ECHDC2: variants seen among roughly 807,000 people sequenced by gnomAD.
ECHDC2 encodes enoyl-CoA hydratase domain containing 2, also known as enoyl-CoA hydratase domain-containing protein 2, mitochondrial.
A neutral mutation model predicts 40.6 loss-of-function variants in ECHDC2; 34 were observed. The observed-to-expected ratio is 0.84, with a 90% CI of 0.64 to 1.11. The LOEUF (loss-of-function observed/expected upper bound fraction) is 1.11. Ranked by LOEUF, ECHDC2 falls within the 50% of genes most tolerant of loss-of-function variation. ECHDC2 has a pLI of 0.00. For synonymous variants in ECHDC2, 162 were observed against 166.6 expected (o/e 0.97, Z 0.21); for missense variants, 392 against 400.7 (o/e 0.98, Z 0.19).
chr1:52,899,799 T>G, intron 7 of ECHDC2: 1 of 157,596 alleles, frequency 6.3e-6, no homozygotes, highest in Non-Finnish European at 1.4e-5. Flanking sequence ...GAAATCCTGG[T>G]CTGTGGGGCA....
chr1:52,921,366 TAG>T, intron 1 of ECHDC2, 185 bp downstream of exon 1: 1 of 1,348,256 alleles, frequency 7.4e-7, no homozygotes, highest in South Asian at 1.7e-5. Flanking sequence ...CGCCCCCAGC[TAG>T]AGTCTGGAGC....
chr1:52,908,956 G>GAAAAAAAAAAAAAA (rs1190885771), intron 3 of ECHDC2, among the ~76,000 whole-genome samples: 3 of 141,818 alleles, frequency 2.1e-5, no homozygotes. Context: ...AAAAAAAAAG[G>GAAAAAAAAAAAAAA]AAAAAGGACT....
chr1:52,921,326 T>C, intron 1 of ECHDC2: 1 of 1,060,268 alleles, frequency 9.4e-7, no homozygotes, highest in African/African-American at 1.7e-5. Context: ...CAAAGGGCCT[T>C]TGAAGAGACC....
rs1650350608 is a variant in ECHDC2 at position 52,914,958 on chromosome 1, CCGA to C, written c.122-3171_122-3169del. On this transcript the variant is annotated intron_variant, in intron 1 of 9. Coordinates refer to ENST00000371522, the MANE Select transcript of ECHDC2 (RefSeq NM_001198961.2). This position sits in a 1 kb window ranked among gnomAD's most constrained non-coding sequence, Gnocchi z 4.0. Reference sequence around the variant, plus strand: ...TCACAGTCATCTTTCTTACCCCAATCCGACCACGTCCCTCCCCTTCCCCCTTCT... The same window carrying C: ...TCACAGTCATCTTTCTTACCCCAATCCCACGTCCCTCCCCTTCCCCCTTCT... Among the ~76,000 whole-genome samples, 1 of 152,124 alleles carries C rather than the reference CCGA, an allele frequency of 6.6e-6. No individual in the cohort carries two copies. Among genetic ancestry groups the C allele is most frequent in the African/African-American group, 2.4e-5 (1 of 41,408 alleles).
At chr1:52,912,625 C>T (rs1379195922) in intron 1 of ECHDC2, 7 of 152,212 alleles carry the variant, frequency 4.6e-5, no homozygotes, top group African/African-American at 1.4e-4. Context: ...TCAGAAACCC[C>T]ACCACATGCC....
At chr1:52,906,027 A>G (rs1647707369) in intron 5 of ECHDC2, 1 of 287,178 alleles carries the variant, frequency 3.5e-6, no homozygotes, top group South Asian at 3.4e-5. Context: ...TGAGAAAATG[A>G]TCAGTTATCT....
At chr1:52,910,352 GTTTTTTTTT>G (rs869088329) in intron 3 of ECHDC2, among the ~76,000 whole-genome samples, 6 of 32,062 alleles carry the variant, frequency 1.9e-4, no homozygotes, top group Admixed American at 6.2e-4. Flanking sequence ...CCACAATTTC[GTTTTTTTTT>G]TTTTTTTTTT....
chr1:52,909,425 GCCAGGGGTT>G (rs1648828373), intron 3 of ECHDC2, among the ~76,000 whole-genome samples: 1 of 151,568 alleles, frequency 6.6e-6, no homozygotes, highest in African/African-American at 2.4e-5. Context: ...TATACTCTAA[GCCAGGGGTT>G]CCAATCTTTT....
At chr1:52,908,713 C>T (rs1294285327) in intron 3 of ECHDC2, among the ~76,000 whole-genome samples, 1 of 151,934 alleles carries the variant, frequency 6.6e-6, no homozygotes, top group Admixed American at 6.6e-5. Context: ...GTGGGCACAT[C>T]ACCTGAGGTC....
chr1:52,915,211 A>G, intron 1 of ECHDC2: 1 of 456,058 alleles, frequency 2.2e-6, no homozygotes, highest in Non-Finnish European at 4.4e-6. Flanking sequence ...GCTGAAATCC[A>G]GCAGGTGCCC....
chr1:52,896,295 C>T lies in ECHDC2; in HGVS notation c.*225G>A, dbSNP rs1422199943. Reference sequence around the variant, plus strand: ...CATTTTCCAAAGCAAACCCAACCCTCGTGATTATTTCTAGCCAGGGTGAAG... The same window carrying T: ...CATTTTCCAAAGCAAACCCAACCCTTGTGATTATTTCTAGCCAGGGTGAAG... On this transcript the variant is annotated 3_prime_UTR_variant, in exon 10 of 10. Coordinates refer to ENST00000371522, the MANE Select transcript of ECHDC2 (RefSeq NM_001198961.2). 1.3e-5 allele frequency: 7 copies of T among 546,488 alleles called. No homozygotes were observed. The highest frequency in any genetic ancestry group is 3.1e-5 in the East Asian group (1 of 32,260). The allele number at this position is 546,488 out of a possible 1,614,324, so 33.9% of individuals were successfully genotyped here. A position where few individuals can be genotyped will look rare whatever the true frequency, so the allele number is the denominator to read the frequency against.
intron 7 of ECHDC2, among the ~76,000 whole-genome samples, chr1:52,903,594 C>T (rs1239430783): frequency 6.6e-6 from 1 of 151,440 alleles, no homozygotes; most frequent in South Asian, 2.1e-4. Context: ...CTCGAACTAC[C>T]ACATCTGGCT....
intron 1 of ECHDC2, chr1:52,915,317 G>A: frequency 4.4e-6 from 2 of 456,044 alleles, no homozygotes; most frequent in South Asian, 3.1e-5. Flanking sequence ...TGTTTATGAA[G>A]TTGGCATTCT....
At chr1:52,899,421 C>T in intron 7 of ECHDC2, 197 bp from the exon 8 acceptor site, 1 of 600,754 alleles carries the variant, frequency 1.7e-6, no homozygotes. Context: ...AAGCCAGACT[C>T]TGATCCCTGA....
chr1:52,901,076 T>C (rs1433392571), intron 7 of ECHDC2: 1 of 152,156 alleles, frequency 6.6e-6, no homozygotes, highest in Non-Finnish European at 1.5e-5. Context: ...AAGGATCACT[T>C]GGGCCTGAGA....
In ECHDC2 at chr1:52,914,584, T is replaced by A. The variant is rs893262343; in HGVS notation, c.122-2794A>T. 3.9e-5 allele frequency among the ~76,000 whole-genome samples: 6 copies of A among 152,280 alleles called. No individual in the cohort carries two copies. In the East Asian group the frequency reaches 1.2e-3, roughly 29 times the overall value. On this transcript the variant is annotated intron_variant, in intron 1 of 9. Transcript: ENST00000371522. This position sits in a 1 kb window ranked among gnomAD's most constrained non-coding sequence, Gnocchi z 4.0. ...CTCCTGTACACCCAGGGCTCCCGTG[T>A]GTGCCCAGGAGCCCAGAGCTCTCCT...
chr1:52,904,574 G>T (rs1647247847), intron 7 of ECHDC2, 72 bp downstream of exon 7: 1 of 1,376,898 alleles, frequency 7.3e-7, no homozygotes, highest in Admixed American at 2.6e-5. Flanking sequence ...TGCAGCCCAA[G>T]GGGACACCCT....
chr1:52,921,397 C>T, intron 1 of ECHDC2, 156 bp downstream of exon 1: 1 of 1,403,908 alleles, frequency 7.1e-7, no homozygotes, highest in East Asian at 2.8e-5. Context: ...CGGCCGCCCA[C>T]CTCTCAGGCC....
chr1:52,899,111 A>G, intron 8 of ECHDC2, 63 bp downstream of exon 8: 1 of 1,540,810 alleles, frequency 6.5e-7, no homozygotes, highest in Non-Finnish European at 9.0e-7. Flanking sequence ...GAGCTCTGAA[A>G]GCACTGTGTC....
Sources: gnomAD v4.1 joint callset for allele counts (sites outside exome capture counted in the v4.1 genomes callset) on GRCh38, gnomAD v4.1.1 for gene constraint, Gnocchi (gnomAD v3.1) non-coding constraint, MANE v1.5 for transcripts, NCBI Gene and HGNC (gene_info 2026-07-23, HGNC 2026-07-21) for gene names.